APOBEC1: variants seen among roughly 807,000 people sequenced by gnomAD.
APOBEC1 encodes the protein C->U-editing enzyme APOBEC-1.
A neutral mutation model predicts 26.3 loss-of-function variants in APOBEC1; 22 were observed. That is an observed-to-expected ratio of 0.84 (90% CI 0.60 to 1.19). APOBEC1 has a LOEUF of 1.19. APOBEC1 is among the 50% of genes most tolerant of loss of function. The pLI is 0.00. For synonymous variants in APOBEC1, 77 were observed against 95.3 expected (o/e 0.81, Z 1.12); for missense variants, 253 against 289.0 (o/e 0.88, Z 0.90).
intron 1 of APOBEC1, among the ~76,000 whole-genome samples, chr12:7,656,276 G>T (rs1213644955): frequency 6.6e-6 from 1 of 152,112 alleles, no homozygotes; most frequent in Non-Finnish European, 1.5e-5. Context: ...GCCTCACCTG[G>T]CCTACAAACT....
intron 1 of APOBEC1, among the ~76,000 whole-genome samples, chr12:7,656,533 C>T (rs1323683245): frequency 6.6e-6 from 1 of 152,192 alleles, no homozygotes; most frequent in East Asian, 1.9e-4. Flanking sequence ...GTCCATGAAT[C>T]TCAGTCTAGT....
chr12:7,660,170 G>T lies in APOBEC1; in HGVS notation c.17-5538C>A, dbSNP rs1863785708. ...ATACAAAAATTAGCCAGGTGTGGTG[G>T]CAGGCACCTGTAATCCCTGCTATTC... On this transcript the variant is annotated intron_variant, in intron 1 of 4. Transcript: ENST00000229304. Among the ~76,000 whole-genome samples the T allele has an allele frequency of 2.0e-5, 3 of 151,100 alleles. No homozygotes were observed. The Admixed American group carries it at 2.0e-4, about 10-fold the overall frequency.
intron 1 of APOBEC1, among the ~76,000 whole-genome samples, chr12:7,663,025 G>A (rs1863842271): frequency 6.6e-6 from 1 of 152,094 alleles, no homozygotes; most frequent in Admixed American, 6.6e-5. Flanking sequence ...CAGAGGCTTG[G>A]GGATGTTCCT....
In APOBEC1 at chr12:7,652,534, C is replaced by G; in HGVS notation, c.346G>C (p.Val116Leu). 2 of 1,614,188 alleles carry G rather than the reference C, an allele frequency of 1.2e-6. No homozygotes were observed. The highest frequency in any genetic ancestry group is 1.1e-5 in the South Asian group (1 of 91,084). The change falls in exon 3 of 5, where the codon GTA becomes CTA. Residue 116 changes from valine (V) to leucine (L), a missense_variant. By Grantham distance (32) the Val-to-Leu change is conservative. Transcript: ENST00000229304. ...RHPGVTLVIY[V>L]ARLFWHMDQQ... is the part of the protein sequence containing the mutation. The stretch of plus-strand genomic sequence containing the variant: ...TCCATGTGCCAAAAAAGCCGAGCTA[C>G]GTAGATCACTAGAGTCACACCAGGG...
chr12:7,656,854 T>C (rs1286046991), intron 1 of APOBEC1, among the ~76,000 whole-genome samples: 3 of 152,256 alleles, frequency 2.0e-5, no homozygotes, highest in Non-Finnish European at 2.9e-5. Flanking sequence ...GCCTGTTTTA[T>C]GTTTATTTCA....
intron 1 of APOBEC1, among the ~76,000 whole-genome samples, chr12:7,664,056 T>C (rs976022165): frequency 1.3e-5 from 2 of 152,228 alleles, no homozygotes; most frequent in African/African-American, 4.8e-5. Context: ...TGTTTCTCCA[T>C]GTTGGTCAGG....
At chr12:7,661,150 G>A (rs199758834) in intron 1 of APOBEC1, among the ~76,000 whole-genome samples, 3 of 149,866 alleles carry the variant, frequency 2.0e-5, no homozygotes, top group East Asian at 2.0e-4. Context: ...AGCTTGCAGT[G>A]AGCCAAATTT....
intron 1 of APOBEC1, among the ~76,000 whole-genome samples, chr12:7,660,311 A>G (rs1174758932): frequency 2.4e-5 from 3 of 126,686 alleles, no homozygotes; most frequent in Admixed American, 1.7e-4. Flanking sequence ...TCAAAAAAAG[A>G]AAGGAAGGAA....
chr12:7,663,920 G>A (rs1046074473), intron 1 of APOBEC1, among the ~76,000 whole-genome samples: 1 of 151,800 alleles, frequency 6.6e-6, no homozygotes, highest in Non-Finnish European at 1.5e-5. Flanking sequence ...GCAATGGCGC[G>A]ATCTCGGCTC....
At chr12:7,660,075 C>T (rs746458868) in intron 1 of APOBEC1, among the ~76,000 whole-genome samples, 8 of 151,764 alleles carry the variant, frequency 5.3e-5, no homozygotes, top group South Asian at 2.1e-4. Context: ...GAGGCTGAGG[C>T]GGGTGGTTCA....
intron 1 of APOBEC1, among the ~76,000 whole-genome samples, chr12:7,660,426 G>T (rs1387595380): frequency 9.4e-6 from 1 of 106,936 alleles, no homozygotes; most frequent in Non-Finnish European, 2.1e-5. Context: ...GGGTATTTGG[G>T]CCAGGGACAG....
chr12:7,658,734 C>T (rs1321806436), intron 1 of APOBEC1, among the ~76,000 whole-genome samples: 3 of 152,008 alleles, frequency 2.0e-5, no homozygotes, highest in East Asian at 1.9e-4. Context: ...AGGTGGATCA[C>T]CTTAGGTCAG....
upstream of APOBEC1, among the ~76,000 whole-genome samples, chr12:7,668,243 C>A (rs768649094): frequency 6.6e-6 from 1 of 152,170 alleles, no homozygotes; most frequent in Non-Finnish European, 1.5e-5. Context: ...GGAATGGATT[C>A]TCCCCCAGAG....
At chr12:7,654,924 A>G (rs1396817856) in intron 1 of APOBEC1, among the ~76,000 whole-genome samples, 1 of 152,196 alleles carries the variant, frequency 6.6e-6, no homozygotes, top group Admixed American at 6.5e-5. Context: ...AAAGCCTCTT[A>G]GAGGCCGGGT....
chr12:7,651,070 G>A lies in APOBEC1; in HGVS notation c.514C>T (p.Pro172Ser). The change falls in exon 4 of 5, where the codon CCT becomes TCT. Residue 172 changes from proline (P) to serine (S), a missense_variant. Physicochemically the swap from Pro to Ser is moderately conservative, Grantham distance 74. Coordinates refer to ENST00000229304, the MANE Select transcript of APOBEC1 (RefSeq NM_001644.5). ...AGTGCGTACAACATCATCCACAGAG[G>A]TGGGTATTGTGGCCAGTGAGCTTCA... ...GDEAHWPQYPPLWMMLYALEL... is the reference protein window; with the variant it reads ...GDEAHWPQYPSLWMMLYALEL... 6.2e-7 allele frequency: 1 copy of A among 1,614,128 alleles called. No homozygotes were observed. Among genetic ancestry groups the A allele is most frequent in the Non-Finnish European group, 8.5e-7 (1 of 1,179,992 alleles).
chr12:7,657,853 G>A (rs534020874), intron 1 of APOBEC1, among the ~76,000 whole-genome samples: 2 of 152,102 alleles, frequency 1.3e-5, no homozygotes, highest in African/African-American at 2.4e-5. Context: ...TCCAGCAGGG[G>A]CAAGAGAGAC....
chr12:7,668,521 G>A (rs1863919737), upstream of APOBEC1, among the ~76,000 whole-genome samples: 1 of 152,100 alleles, frequency 6.6e-6, no homozygotes, highest in Non-Finnish European at 1.5e-5. Context: ...TTTTGTTTAA[G>A]AAAACTTGGA....
chr12:7,663,220 T>G (rs755612842), intron 1 of APOBEC1, among the ~76,000 whole-genome samples: 6 of 152,170 alleles, frequency 3.9e-5, no homozygotes, highest in Non-Finnish European at 7.3e-5. Context: ...CTAGGCTGTG[T>G]GTGTACCTGT....
chr12:7,662,997 C>A (rs1275127720), intron 1 of APOBEC1, among the ~76,000 whole-genome samples: 3 of 152,016 alleles, frequency 2.0e-5, no homozygotes, highest in Non-Finnish European at 2.9e-5. Flanking sequence ...ATTTTAGAGA[C>A]CTGCGCCTCT....
Sources: allele counts gnomAD v4.1 joint callset (sites outside exome capture counted in the v4.1 genomes callset), GRCh38; gene constraint gnomAD v4.1.1; transcripts MANE v1.5; gene names NCBI Gene and HGNC (gene_info 2026-07-23, HGNC 2026-07-21).